The following BBIP1 variants were observed in gnomAD, a reference collection of about 807,000 sequenced individuals.
BBIP1 encodes the protein BBSome-interacting protein 1.
Under a neutral mutation model 8.9 loss-of-function variants are expected in BBIP1, and 6 were observed. That is an observed-to-expected ratio of 0.67 (90% confidence interval 0.37 to 1.33). The LOEUF (loss-of-function observed/expected upper bound fraction) is 1.33. Ranked by LOEUF, BBIP1 falls within the 40% of genes most tolerant of loss-of-function variation. The pLI is 0.02. For missense variants in BBIP1, 111 were observed against 109.2 expected (o/e 1.02, Z -0.07); for synonymous variants, 32 against 33.4 (o/e 0.96, Z 0.14).
At chr10:110,913,757 A>G (rs1443521384) in intron 2 of BBIP1, among the ~76,000 whole-genome samples, 1 of 152,236 alleles carries the variant, frequency 6.6e-6, no homozygotes, top group East Asian at 1.9e-4. Flanking sequence ...AAAAGAAAAC[A>G]TTTCTGAAGC....
chr10:110,915,704 A>G (rs1687977357), intron 2 of BBIP1, among the ~76,000 whole-genome samples: 1 of 148,628 alleles, frequency 6.7e-6, no homozygotes, highest in South Asian at 2.1e-4. Context: ...GCTCGTTTTA[A>G]TTTTTTTTTT....
At chr10:110,918,634 G>A (rs1846503712) in intron 1 of BBIP1, among the ~76,000 whole-genome samples, 1 of 152,228 alleles carries the variant, frequency 6.6e-6, no homozygotes, top group South Asian at 2.1e-4. Flanking sequence ...GGGTCCTCCC[G>A]GCCGGGCTGC....
chr10:110,902,778 A>C (rs908773530), intron 2 of BBIP1: 2 of 152,252 alleles, frequency 1.3e-5, no homozygotes, highest in Non-Finnish European at 2.9e-5. Flanking sequence ...AGATGATGAA[A>C]TAAGTAATGG....
At chr10:110,906,653 G>C (rs1345082124) in intron 2 of BBIP1, 1 of 152,182 alleles carries the variant, frequency 6.6e-6, no homozygotes, top group African/African-American at 2.4e-5. Flanking sequence ...TCCGCCACCT[G>C]GATTCAAGCA....
chr10:110,916,638 A>C (rs979068098), intron 2 of BBIP1, among the ~76,000 whole-genome samples: 1 of 152,238 alleles, frequency 6.6e-6, no homozygotes, highest in African/African-American at 2.4e-5. Context: ...TGATAACATC[A>C]AGATTCATCT....
chr10:110,902,191 G>A (rs1299095585), intron 2 of BBIP1: 1 of 153,260 alleles, frequency 6.5e-6, no homozygotes, highest in Non-Finnish European at 1.5e-5. Context: ...ATTGGCTCTT[G>A]CAGAACAGAA....
At chr10:110,902,052 A>G (rs1846018287) in intron 2 of BBIP1, 1 of 161,532 alleles carries the variant, frequency 6.2e-6, no homozygotes, top group Admixed American at 5.9e-5. Flanking sequence ...CTGGCAGGCT[A>G]ACATTTCCTA....
Position 110,903,934 on chromosome 10 carries a change from C to T in BBIP1, c.38-2322G>A, listed in dbSNP as rs139217298. The T allele has an allele frequency of 2.6e-5, 4 of 152,286 alleles. No homozygotes were observed. The East Asian group carries it at 7.7e-4, about 29-fold the overall frequency. 9.4% of individuals were successfully genotyped at this position (152,286 alleles called of 1,614,324 possible). Reference sequence around the variant, plus strand: ...TCATGAGCATTACAACGGGGTATGACATCATTAAGCAATAGGAATTTTTCA... The same window carrying T: ...TCATGAGCATTACAACGGGGTATGATATCATTAAGCAATAGGAATTTTTCA... On this transcript the variant is annotated intron_variant, in intron 2 of 3. Coordinates refer to ENST00000448814, the MANE Select transcript of BBIP1 (RefSeq NM_001195305.3).
rs1846477154 is a variant in BBIP1 at position 110,918,217 on chromosome 10, C to A, written c.-56-4G>T. On this transcript the variant is annotated splice_region_variant and splice_polypyrimidine_tract_variant and intron_variant, in intron 1 of 3. Transcript: ENST00000448814. ...TGACTCAAGCATACAGAAGAAACTACAAGATAATGTATGATAACTTTGTAA... is the reference window on the plus strand; with the variant it reads ...TGACTCAAGCATACAGAAGAAACTAAAAGATAATGTATGATAACTTTGTAA... 1.5e-6 allele frequency: 2 copies of A among 1,377,300 alleles called. No individual in the cohort carries two copies. The highest frequency in any genetic ancestry group is 2.5e-5 in the South Asian group (2 of 80,586). 85.3% of individuals were successfully genotyped at this position (1,377,300 alleles called of 1,614,324 possible). A position where few individuals can be genotyped will look rare whatever the true frequency, so the allele number is the denominator to read the frequency against.
rs188989849 is a variant in BBIP1 at position 110,918,420 on chromosome 10, T to C, written c.-56-207A>G. On this transcript the variant is annotated intron_variant, in intron 1 of 3. Transcript: ENST00000448814. Reference sequence around the variant, plus strand: ...GAAGGCAGGTGGCAGGGGAAAAAGATTGAGGTCCTGCCCTGGTGGTAGGGG... The same window carrying C: ...GAAGGCAGGTGGCAGGGGAAAAAGACTGAGGTCCTGCCCTGGTGGTAGGGG... Among the ~76,000 whole-genome samples the C allele has an allele frequency of 6.1e-3, 930 of 152,286 alleles. 6 individuals carry two copies. Among genetic ancestry groups the C allele is most frequent in the Non-Finnish European group, 0.01 (684 of 68,006 alleles).
intron 2 of BBIP1, among the ~76,000 whole-genome samples, chr10:110,912,863 T>C (rs1383424839): frequency 6.6e-6 from 1 of 152,134 alleles, no homozygotes; most frequent in African/African-American, 2.4e-5. Context: ...TTTCCCTCTA[T>C]TAATGTATCT....
intron 3 of BBIP1, 78 bp downstream of exon 3, chr10:110,901,460 A>T: frequency 1.0e-6 from 1 of 985,304 alleles, no homozygotes; most frequent in Non-Finnish European, 1.6e-6. Flanking sequence ...TTTAGCTATT[A>T]AGCCTGCTAT....
rs946591185 is a variant in BBIP1, at chr10:110,901,604, T to A, written c.46A>T (p.Thr16Ser). ...AKRPELSGKNTISNNSDMAEV... is the reference protein window; with the variant it reads ...AKRPELSGKNSISNNSDMAEV... ...GCCATATCTGAGTTGTTGGATATAGTGTTTTTTCCTTCAATGAGAAATCAG... is the reference window on the plus strand; with the variant it reads ...GCCATATCTGAGTTGTTGGATATAGAGTTTTTTCCTTCAATGAGAAATCAG... Residue 16 changes from threonine (T) to serine (S), a missense_variant, in exon 3 of 4, where the codon ACT becomes TCT. Coordinates refer to ENST00000448814, the MANE Select transcript of BBIP1 (RefSeq NM_001195305.3). 1.4e-5 allele frequency: 21 copies of A among 1,534,376 alleles called. No individual in the cohort carries two copies. In the African/African-American group the frequency reaches 2.3e-4, roughly 17 times the overall value.
rs1287400396 is a variant in BBIP1 at position 110,900,378 on chromosome 10, T to C, written c.261A>G (p.Gln87=). 4 of 1,534,920 alleles carry C rather than the reference T, an allele frequency of 2.6e-6. No individual in the cohort carries two copies. The Admixed American group carries it at 5.9e-5, about 23-fold the overall frequency. Residue 87 remains glutamine, a synonymous_variant, in exon 4 of 4, where the codon CAA becomes CAG. Transcript: ENST00000448814. ...TTATCATTCAGTGGGTTATTTGCCGTTGATCCTTTTCTGCCATTTCTTGTT... is the reference window on the plus strand; with the variant it reads ...TTATCATTCAGTGGGTTATTTGCCGCTGATCCTTTTCTGCCATTTCTTGTT... The part of the protein sequence containing the change: ...IRQQEMAEKD[Q]RQITH
chr10:110,910,271 C>T (rs115068578), intron 2 of BBIP1, among the ~76,000 whole-genome samples: 1,580 of 152,286 alleles, frequency 0.01, 23 homozygotes, highest in African/African-American at 0.036. Context: ...AAAAAGTGTT[C>T]TGTCGGAGGA....
At chr10:110,912,566 C>T in intron 2 of BBIP1, among the ~76,000 whole-genome samples, 1 of 152,152 alleles carries the variant, frequency 6.6e-6, no homozygotes, top group East Asian at 1.9e-4. Context: ...GACTAAATTA[C>T]TAAAATTCAA....
chr10:110,899,860 G>A lies in BBIP1; in HGVS notation c.*500C>T, dbSNP rs1348891381. 1 of 152,006 alleles carries A rather than the reference G, an allele frequency of 6.6e-6. No homozygotes were observed. The highest frequency in any genetic ancestry group is 2.4e-5 in the African/African-American group (1 of 41,200). 9.4% of individuals were successfully genotyped at this position (152,006 alleles called of 1,614,324 possible). The stretch of plus-strand genomic sequence containing the variant: ...TTACTGGTGGGATCTGGTCACACAA[G>A]ATAGCATTAAACGTGACATGGCACA... On this transcript the variant is annotated 3_prime_UTR_variant, in exon 4 of 4. Transcript: ENST00000448814.
intron 3 of BBIP1, chr10:110,901,200 A>T: frequency 2.3e-6 from 1 of 428,318 alleles, no homozygotes; most frequent in Admixed American, 2.8e-5. Flanking sequence ...CTAGGGCAGG[A>T]GCCCAGTAGT....
intron 2 of BBIP1, among the ~76,000 whole-genome samples, chr10:110,917,193 G>C (rs1397715291): frequency 9.3e-6 from 1 of 108,004 alleles, no homozygotes; most frequent in Non-Finnish European, 2.0e-5. Flanking sequence ...ACTGGATCCT[G>C]ATTTTTTTTT....
Sources: allele counts gnomAD v4.1 joint callset (sites outside exome capture counted in the v4.1 genomes callset), GRCh38; gene constraint gnomAD v4.1.1; transcripts MANE v1.5; gene names NCBI Gene and HGNC (gene_info 2026-07-23, HGNC 2026-07-21).